The following CTNND2 variants were observed in gnomAD, a reference collection of about 807,000 sequenced individuals.
The protein encoded by CTNND2 is catenin delta-2.
CTNND2 carries 22 observed loss-of-function variants against 144.4 expected under a neutral mutation model. That is an observed-to-expected ratio of 0.15 (90% CI 0.11 to 0.22). CTNND2 has a LOEUF of 0.22. Ranked by LOEUF, CTNND2 falls within the 10% of genes least tolerant of loss-of-function variation. The probability of loss-of-function intolerance (pLI) is 1.00; values close to 1 mark genes in which losing one functional copy is unlikely to be tolerated. For missense variants in CTNND2, 1,353 were observed against 1,618.8 expected, an observed-to-expected ratio of 0.84 and a Z score of 2.82; for synonymous variants, 751 against 695.6, an observed-to-expected ratio of 1.08 and a Z score of -1.25.
At chr5:11,672,173 C>T (rs971752145) in intron 2 of CTNND2, among the ~76,000 whole-genome samples, 3 of 152,180 alleles carry the variant, frequency 2.0e-5, no homozygotes, top group African/African-American at 7.2e-5. Flanking sequence ...CAGAGGGACA[C>T]CTGCCAGATG....
intron 11 of CTNND2, among the ~76,000 whole-genome samples, chr5:11,160,573 A>G (rs933432076): frequency 3.9e-5 from 6 of 152,238 alleles, no homozygotes; most frequent in African/African-American, 1.4e-4. Context: ...TTAAATAATT[A>G]TTCTTTTTTT....
intron 1 of CTNND2, among the ~76,000 whole-genome samples, chr5:11,803,059 C>T (rs377628555): frequency 1.3e-5 from 2 of 152,240 alleles, no homozygotes; most frequent in East Asian, 1.9e-4. Context: ...TGGTGACTGA[C>T]GCCTGTAATG....
At chr5:11,435,984 A>G (rs530993353) in intron 3 of CTNND2, among the ~76,000 whole-genome samples, 10 of 152,170 alleles carry the variant, frequency 6.6e-5, no homozygotes, top group Non-Finnish European at 1.3e-4. Flanking sequence ...AGTTGTGAAT[A>G]TAACTAGGAG....
chr5:11,492,936 GT>G (rs1427144260), intron 3 of CTNND2, among the ~76,000 whole-genome samples: 1 of 151,800 alleles, frequency 6.6e-6, no homozygotes, highest in Non-Finnish European at 1.5e-5. Flanking sequence ...GCTAGGTAGG[GT>G]TGTGGGTGCC....
At chr5:11,103,726 A>T (rs1206610095) in intron 14 of CTNND2, among the ~76,000 whole-genome samples, 1 of 58,112 alleles carries the variant, frequency 1.7e-5, no homozygotes, top group African/African-American at 7.7e-5. Flanking sequence ...ATACTATATT[A>T]AAAAAAAAAA....
rs182026596 is a variant in CTNND2 at position 11,801,748 on chromosome 5, A to C, written c.38-69476T>G. Among the ~76,000 whole-genome samples, 317 of 152,308 alleles carry C rather than the reference A, an allele frequency of 2.1e-3. 4 individuals carry two copies. Among genetic ancestry groups the C allele is most frequent in the African/African-American group, 6.9e-3 (288 of 41,576 alleles). ...GCATCTTTTTACTTTAGTAAAGAGT[A>C]ATTCTATAGCATCCAATAACTGGAC... On this transcript the variant is annotated intron_variant, in intron 1 of 21. Coordinates refer to ENST00000304623, the MANE Select transcript of CTNND2 (RefSeq NM_001332.4).
At chr5:11,792,668 A>T (rs1177762564) in intron 1 of CTNND2, among the ~76,000 whole-genome samples, 1 of 152,240 alleles carries the variant, frequency 6.6e-6, no homozygotes, top group African/African-American at 2.4e-5. Context: ...TTTTTATAAA[A>T]TTACACTTCT....
At chr5:11,681,173 G>A (rs1784407470) in intron 2 of CTNND2, among the ~76,000 whole-genome samples, 1 of 152,168 alleles carries the variant, frequency 6.6e-6, no homozygotes, top group African/African-American at 2.4e-5. Flanking sequence ...CAGAAGAACA[G>A]TCAGAATGGT....
intron 2 of CTNND2, among the ~76,000 whole-genome samples, chr5:11,730,494 A>G (rs1787325405): frequency 6.6e-6 from 1 of 152,164 alleles, no homozygotes; most frequent in Admixed American, 6.5e-5. Flanking sequence ...TTACACAGAG[A>G]CCATTCTTTT....
chr5:11,250,158 A>C (rs1483325928), intron 9 of CTNND2, among the ~76,000 whole-genome samples: 1 of 152,168 alleles, frequency 6.6e-6, no homozygotes, highest in Non-Finnish European at 1.5e-5. Flanking sequence ...AGTTTGAATA[A>C]AATAACCAAC....
At chr5:11,678,308 T>A (rs753789210) in intron 2 of CTNND2, among the ~76,000 whole-genome samples, 9 of 152,160 alleles carry the variant, frequency 5.9e-5, no homozygotes, top group Admixed American at 1.3e-4. Flanking sequence ...CCGATATCTA[T>A]CAGGAGGAGA....
At chr5:11,489,277 T>C (rs952481274) in intron 3 of CTNND2, among the ~76,000 whole-genome samples, 7 of 152,208 alleles carry the variant, frequency 4.6e-5, no homozygotes, top group Non-Finnish European at 1.0e-4. Flanking sequence ...GGTTTTCATT[T>C]GCATTTCCCC....
At chr5:11,343,603 A>G (rs1754479801) in intron 9 of CTNND2, among the ~76,000 whole-genome samples, 1 of 152,156 alleles carries the variant, frequency 6.6e-6, no homozygotes. Flanking sequence ...CATGTGCTGC[A>G]GTATGGATTC....
intron 16 of CTNND2, among the ~76,000 whole-genome samples, chr5:11,081,328 C>T (rs916485370): frequency 3.3e-5 from 5 of 152,058 alleles, no homozygotes; most frequent in Non-Finnish European, 5.9e-5. Flanking sequence ...AATGTTCCCA[C>T]CAAAGATAAG....
At chr5:11,824,452 G>A (rs1793498207) in intron 1 of CTNND2, among the ~76,000 whole-genome samples, 1 of 152,148 alleles carries the variant, frequency 6.6e-6, no homozygotes, top group Non-Finnish European at 1.5e-5. Context: ...GGGAGATGGG[G>A]AGGAAATCCT....
At chr5:11,412,127 CT>C in intron 3 of CTNND2, 58 bp from the exon 4 acceptor site, 1 of 1,396,036 alleles carries the variant, frequency 7.2e-7, no homozygotes, top group South Asian at 1.2e-5. Context: ...AAATAAAACC[CT>C]AAAATCTAAG....
intron 9 of CTNND2, among the ~76,000 whole-genome samples, chr5:11,280,624 C>T (rs957249897): frequency 6.6e-5 from 10 of 152,172 alleles, no homozygotes; most frequent in African/African-American, 1.9e-4. Context: ...CCAATACACT[C>T]ATAGAGGGGA....
intron 3 of CTNND2, among the ~76,000 whole-genome samples, chr5:11,492,312 G>A (rs1769474823): frequency 6.6e-6 from 1 of 152,120 alleles, no homozygotes; most frequent in African/African-American, 2.4e-5. Context: ...TTTACAAGAT[G>A]GGCAACATTC....
intron 2 of CTNND2, among the ~76,000 whole-genome samples, chr5:11,649,990 A>G (rs887182500): frequency 6.6e-6 from 1 of 152,140 alleles, no homozygotes; most frequent in Non-Finnish European, 1.5e-5. Flanking sequence ...GAGTGACAAA[A>G]CTAGTATTTT....
Sources: gnomAD v4.1 joint callset for allele counts (sites outside exome capture counted in the v4.1 genomes callset) on GRCh38, gnomAD v4.1.1 for gene constraint, MANE v1.5 for transcripts, NCBI Gene and HGNC (gene_info 2026-07-23, HGNC 2026-07-21) for gene names.